TRAK1: variants seen among roughly 807,000 people sequenced by gnomAD.
The protein encoded by TRAK1 is trafficking kinesin-binding protein 1.
In TRAK1, 33 loss-of-function variants were observed where a neutral mutation model predicts 92.1. That is an observed-to-expected ratio of 0.36 (90% CI 0.27 to 0.48). The LOEUF is 0.48. Ranked by LOEUF, TRAK1 falls within the 20% of genes least tolerant of loss-of-function variation. The pLI, the probability that TRAK1 is intolerant of heterozygous loss-of-function variation, is 0.99. For missense variants in TRAK1, 1,123 were observed against 1,257.9 expected (o/e 0.89, Z 1.62); for synonymous variants, 521 against 517.3 (o/e 1.01, Z -0.10).
At chr3:42,055,997 A>AGT (rs1173257273) in intron 1 of TRAK1, among the ~76,000 whole-genome samples, 2 of 152,206 alleles carry the variant, frequency 1.3e-5, no homozygotes, top group Non-Finnish European at 2.9e-5. Flanking sequence ...CCCATGTTGT[A>AGT]GTAGGTATCA....
At chr3:42,099,546 A>G (rs1212891100) in intron 1 of TRAK1, among the ~76,000 whole-genome samples, 2 of 152,198 alleles carry the variant, frequency 1.3e-5, no homozygotes, top group Admixed American at 6.5e-5. Context: ...ATGGTTGGAA[A>G]GACGATGGTG....
intron 2 of TRAK1, among the ~76,000 whole-genome samples, chr3:42,155,694 A>G (rs140819671): frequency 6.6e-6 from 1 of 152,332 alleles, no homozygotes; most frequent in Non-Finnish European, 1.5e-5. Flanking sequence ...TAATGCAGTA[A>G]ATGTTCTATT....
At chr3:42,048,980 T>C (rs1299028540) in intron 1 of TRAK1, among the ~76,000 whole-genome samples, 1 of 152,200 alleles carries the variant, frequency 6.6e-6, no homozygotes, top group African/African-American at 2.4e-5. Flanking sequence ...CTCAACCTCG[T>C]GGCCTCAAGC....
intron 2 of TRAK1, among the ~76,000 whole-genome samples, chr3:42,163,431 T>C (rs1179660552): frequency 6.6e-6 from 1 of 152,098 alleles, no homozygotes; most frequent in East Asian, 1.9e-4. Context: ...TAGCTGGGCA[T>C]GGTGGCGGGC....
intron 2 of TRAK1, among the ~76,000 whole-genome samples, chr3:42,132,400 C>CT (rs1311562065): frequency 5.9e-5 from 9 of 151,448 alleles, no homozygotes; most frequent in African/African-American, 2.2e-4. Flanking sequence ...GTAGTTGGGA[C>CT]TACAGGCACA....
chr3:42,149,593 T>G (rs975713415), intron 2 of TRAK1: 25 of 1,535,950 alleles, frequency 1.6e-5, no homozygotes, highest in Non-Finnish European at 2.2e-5. Context: ...TGAAGAATGC[T>G]CGGATGGTAA....
At chr3:42,082,362 G>C (rs1037768159), upstream of TRAK1, among the ~76,000 whole-genome samples, 1 of 152,170 alleles carries the variant, frequency 6.6e-6, no homozygotes, top group Non-Finnish European at 1.5e-5. Context: ...ACCTTGGGAG[G>C]CTGAGGTGGG....
chr3:42,181,634 G>A (rs569235766), intron 3 of TRAK1, among the ~76,000 whole-genome samples: 4 of 152,332 alleles, frequency 2.6e-5, no homozygotes, highest in East Asian at 1.9e-4. Flanking sequence ...ATGCAGACCA[G>A]GTAGTCAGGT....
At chr3:42,018,883 G>A (rs1035223870) in intron 1 of TRAK1, among the ~76,000 whole-genome samples, 1 of 152,168 alleles carries the variant, frequency 6.6e-6, no homozygotes, top group African/African-American at 2.4e-5. Flanking sequence ...CAGCACTTTG[G>A]GAGGTGGAGG....
chr3:42,149,408 C>G, intron 2 of TRAK1: 1 of 1,489,174 alleles, frequency 6.7e-7, no homozygotes, highest in Admixed American at 2.2e-5. Flanking sequence ...GAATGTACAG[C>G]CTAATTCTGG....
chr3:42,045,152 G>A (rs1576168506), intron 1 of TRAK1, among the ~76,000 whole-genome samples: 1 of 152,006 alleles, frequency 6.6e-6, no homozygotes, highest in East Asian at 1.9e-4. Flanking sequence ...TTTAGAAGCT[G>A]GACTCATGCT....
At chr3:42,204,261 C>T in intron 13 of TRAK1, 5 of 984,748 alleles carry the variant, frequency 5.1e-6, no homozygotes, top group Non-Finnish European at 6.0e-6. Context: ...TCTGTCTTGT[C>T]TGCTTTCTAT....
Position 42,014,313 on chromosome 3 carries a change from A to G in TRAK1, c.-519+196A>G, listed in dbSNP as rs530378917. Among the ~76,000 whole-genome samples the G allele has an allele frequency of 4.6e-4, 70 of 152,236 alleles. 1 individual carries two copies. Among genetic ancestry groups the G allele is most frequent in the Admixed American group, 2.0e-3 (31 of 15,300 alleles). On this transcript the variant is annotated intron_variant, in intron 1 of 16. Coordinates refer to the TRAK1 transcript ENST00000487159. ...CCTCGGAGCCCGGAAAAGTGCCCCT[A>G]GGGCATCGTGTCGGCCACGCCGCGT...
intron 1 of TRAK1, among the ~76,000 whole-genome samples, chr3:42,100,850 G>A (rs1025460655): frequency 4.6e-5 from 7 of 151,866 alleles, no homozygotes; most frequent in African/African-American, 1.2e-4. Flanking sequence ...TGTATATTTA[G>A]TAGAGACAGG....
intron 1 of TRAK1, among the ~76,000 whole-genome samples, chr3:42,065,772 G>T (rs1332471249): frequency 5.9e-5 from 9 of 151,972 alleles, no homozygotes; most frequent in Admixed American, 5.9e-4. Flanking sequence ...TGGGACTATA[G>T]GCGTGTACCA....
chr3:42,048,098 A>G (rs1370911506), intron 1 of TRAK1, among the ~76,000 whole-genome samples: 3 of 152,200 alleles, frequency 2.0e-5, no homozygotes, highest in East Asian at 3.9e-4. Context: ...CCATCTTTTT[A>G]TCATAATCTC....
intron 2 of TRAK1, chr3:42,160,471 A>G (rs764062131): frequency 6.2e-7 from 1 of 1,613,860 alleles, no homozygotes; most frequent in East Asian, 2.2e-5. Flanking sequence ...CTCTTGGAAG[A>G]GGGTAAATTC....
intron 2 of TRAK1, among the ~76,000 whole-genome samples, chr3:42,135,638 G>A (rs989826809): frequency 2.0e-5 from 3 of 152,166 alleles, no homozygotes; most frequent in African/African-American, 7.2e-5. Flanking sequence ...TTTTACTTTC[G>A]GCCTGTGTTT....
At chr3:42,053,242 G>A (rs1035528116) in intron 1 of TRAK1, among the ~76,000 whole-genome samples, 1 of 152,012 alleles carries the variant, frequency 6.6e-6, no homozygotes, top group African/African-American at 2.4e-5. Context: ...TTTACAGTTC[G>A]TGTAGTGTGA....
Sources: allele counts gnomAD v4.1 joint callset (sites outside exome capture counted in the v4.1 genomes callset), GRCh38; gene constraint gnomAD v4.1.1; transcripts MANE v1.5; gene names NCBI Gene and HGNC (gene_info 2026-07-23, HGNC 2026-07-21).